RAPGEF6: variants seen among roughly 807,000 people sequenced by gnomAD.
RAPGEF6 encodes PDZ domain containing guanine nucleotide exchange factor (GEF) 2.
Under a neutral mutation model 171.4 loss-of-function variants are expected in RAPGEF6, and 56 were observed. The ratio of observed to expected loss-of-function variants is 0.33; its 90% CI spans 0.26 to 0.41. The LOEUF (loss-of-function observed/expected upper bound fraction) is 0.41, where lower values mean the gene tolerates loss of function less well. RAPGEF6 is among the 10% of genes least tolerant of loss of function. RAPGEF6 has a pLI of 1.00. For missense variants in RAPGEF6, 1,674 were observed against 1,921.4 expected, an observed-to-expected ratio of 0.87 and a Z score of 2.41; for synonymous variants, 692 against 650.1, an observed-to-expected ratio of 1.06 and a Z score of -0.98.
chr5:131,610,153 G>A (rs1764854844), intron 1 of RAPGEF6, among the ~76,000 whole-genome samples: 1 of 152,212 alleles, frequency 6.6e-6, no homozygotes, highest in African/African-American at 2.4e-5. Context: ...AGGAAGAACA[G>A]ATGGGCCTAG....
intron 3 of RAPGEF6, among the ~76,000 whole-genome samples, chr5:131,602,740 G>A (rs781782229): frequency 2.0e-5 from 3 of 152,124 alleles, no homozygotes; most frequent in Non-Finnish European, 4.4e-5. Flanking sequence ...CAGCCTGGGC[G>A]ACAAGTGCGA....
At chr5:131,486,978 C>T (rs1005498849) in intron 15 of RAPGEF6, among the ~76,000 whole-genome samples, 7 of 152,074 alleles carry the variant, frequency 4.6e-5, no homozygotes, top group Non-Finnish European at 1.0e-4. Context: ...GATCCCTGAT[C>T]GTCAGTTTTA....
intron 10 of RAPGEF6, 65 bp downstream of exon 10, chr5:131,505,299 G>A: frequency 6.6e-7 from 1 of 1,519,942 alleles, no homozygotes; most frequent in East Asian, 2.3e-5. Flanking sequence ...TTTTGAGGAA[G>A]ACAAAACAGG....
At chr5:131,464,443 C>T (rs1754180286) in intron 17 of RAPGEF6, 162 bp from the exon 18 acceptor site, 2 of 586,028 alleles carry the variant, frequency 3.4e-6, no homozygotes, top group Admixed American at 6.5e-5. Flanking sequence ...ATAAATATAT[C>T]CTTTTTTTTT....
chr5:131,518,468 G>A (rs896884660), intron 7 of RAPGEF6, among the ~76,000 whole-genome samples: 1 of 151,426 alleles, frequency 6.6e-6, no homozygotes, highest in African/African-American at 2.4e-5. Context: ...CGTGATCTTG[G>A]GTCACCGCAA....
intron 18 of RAPGEF6, among the ~76,000 whole-genome samples, chr5:131,462,484 T>G (rs891795832): frequency 6.6e-6 from 1 of 152,232 alleles, no homozygotes; most frequent in Admixed American, 6.5e-5. Flanking sequence ...AATAAATTCC[T>G]GAATCAAGAC....
chr5:131,575,454 G>A (rs993962646), intron 4 of RAPGEF6, among the ~76,000 whole-genome samples: 10 of 152,048 alleles, frequency 6.6e-5, no homozygotes, highest in Non-Finnish European at 1.2e-4. Context: ...ATCCGTTACC[G>A]ATCTTGGCAT....
Position 131,513,892 on chromosome 5 carries a change from G to T in RAPGEF6, c.628-3401C>A, listed in dbSNP as rs999278081. Among the ~76,000 whole-genome samples the T allele has an allele frequency of 9.9e-5, 15 of 152,136 alleles. No individual in the cohort carries two copies. In the East Asian group the frequency reaches 2.7e-3, roughly 27 times the overall value. ...GGTGTGGTGGCATTAGCCGGGTGTG[G>T]TGGCACATGCCTGCACTCCCAGCTA... On this transcript the variant is annotated intron_variant, in intron 7 of 27. Transcript: ENST00000509018.
At chr5:131,598,673 C>T (rs1205797895) in intron 3 of RAPGEF6, among the ~76,000 whole-genome samples, 4 of 152,166 alleles carry the variant, frequency 2.6e-5, no homozygotes, top group African/African-American at 9.7e-5. Context: ...AAAAACTGCT[C>T]AAACTGTTTA....
intron 6 of RAPGEF6, among the ~76,000 whole-genome samples, chr5:131,544,809 A>C (rs1760403535): frequency 6.6e-6 from 1 of 152,092 alleles, no homozygotes; most frequent in Non-Finnish European, 1.5e-5. Context: ...CAGCCTCCCA[A>C]GTAGCTGGGA....
intron 4 of RAPGEF6, among the ~76,000 whole-genome samples, chr5:131,572,724 G>C (rs1762379431): frequency 6.6e-6 from 1 of 151,904 alleles, no homozygotes; most frequent in South Asian, 2.1e-4. Flanking sequence ...CTCCACTATG[G>C]GCAACCTTCC....
chr5:131,486,502 T>G (rs557841095), intron 15 of RAPGEF6, among the ~76,000 whole-genome samples: 16 of 152,338 alleles, frequency 1.1e-4, no homozygotes, highest in Admixed American at 9.8e-4. Context: ...CTCTGGGATA[T>G]TCTCTGCTAT....
Position 131,489,546 on chromosome 5 carries a change from C to A in RAPGEF6, c.1840G>T (p.Val614Leu). The A allele has an allele frequency of 6.4e-7, 1 of 1,557,996 alleles. No homozygotes were observed. The highest frequency in any genetic ancestry group is 8.7e-7 in the Non-Finnish European group (1 of 1,148,314). Residue 614 changes from valine to leucine, a missense_variant and splice_region_variant, in exon 15 of 28, where the codon GTG (valine) becomes TTG (leucine). By Grantham distance (32) the Val-to-Leu change is conservative (BLOSUM62 1). Coordinates refer to ENST00000509018, the MANE Select transcript of RAPGEF6 (RefSeq NM_016340.6). The part of the protein sequence containing the change: ...LALTVKTNIF[V>L]FKELLFRTEQ... ...AGGCAATTTTTACAACAAAACTCAC[C>A]AAAAATGTTGGTCTTCACAGTAAGT... is the stretch of plus-strand genomic sequence containing the variant.
intron 4 of RAPGEF6, among the ~76,000 whole-genome samples, chr5:131,577,849 T>C (rs1283857615): frequency 6.6e-6 from 1 of 152,174 alleles, no homozygotes; most frequent in East Asian, 1.9e-4. Flanking sequence ...TAATAACCCT[T>C]ATGAGCCTAA....
intron 6 of RAPGEF6, among the ~76,000 whole-genome samples, chr5:131,522,605 A>G (rs1354135892): frequency 2.6e-5 from 4 of 152,220 alleles, no homozygotes; most frequent in African/African-American, 9.7e-5. Flanking sequence ...ATGGTATGTT[A>G]GATAATTCAG....
intron 5 of RAPGEF6, among the ~76,000 whole-genome samples, chr5:131,551,328 A>G (rs1195180432): frequency 6.6e-6 from 1 of 152,086 alleles, no homozygotes; most frequent in Admixed American, 6.6e-5. Context: ...CCTGGCCAAG[A>G]TGGCGAAACC....
At chr5:131,505,862 C>T (rs1331346801) in intron 9 of RAPGEF6, among the ~76,000 whole-genome samples, 1 of 152,166 alleles carries the variant, frequency 6.6e-6, no homozygotes, top group Admixed American at 6.5e-5. Context: ...TTTAACCTCT[C>T]TGGGCCTCAG....
At chr5:131,449,497 C>T (rs945768554) in intron 21 of RAPGEF6, among the ~76,000 whole-genome samples, 1 of 152,052 alleles carries the variant, frequency 6.6e-6, no homozygotes, top group African/African-American at 2.4e-5. Flanking sequence ...ATCTTTCATT[C>T]ATTTTTATAT....
chr5:131,619,785 T>C (rs1765496552), intron 1 of RAPGEF6, among the ~76,000 whole-genome samples: 2 of 152,208 alleles, frequency 1.3e-5, no homozygotes, highest in Non-Finnish European at 2.9e-5. Context: ...TGGTTCTTTC[T>C]GGATTCTCGT....
Sources: gnomAD v4.1 joint callset for allele counts (sites outside exome capture counted in the v4.1 genomes callset) on GRCh38, gnomAD v4.1.1 for gene constraint, MANE v1.5 for transcripts, NCBI Gene and HGNC (gene_info 2026-07-23, HGNC 2026-07-21) for gene names.